Variants in DPH6 observed in about 807,000 individuals in gnomAD.
DPH6 encodes diphthamine biosynthesis 6, also known as diphthine--ammonia ligase.
A neutral mutation model predicts 38.2 loss-of-function variants in DPH6; 33 were observed. The observed-to-expected ratio is 0.86, with a 90% CI of 0.65 to 1.15. The LOEUF (loss-of-function observed/expected upper bound fraction) is 1.15. Among genes scored for constraint, DPH6 ranks in the 50% most tolerant of loss-of-function variants. The pLI, the probability that DPH6 is intolerant of heterozygous loss-of-function variation, is 0.00. For synonymous variants in DPH6, 108 were observed against 103.0 expected, an observed-to-expected ratio of 1.05 and a Z score of -0.30; for missense variants, 325 against 320.0, an observed-to-expected ratio of 1.02 and a Z score of -0.12.
At chr15:35,291,069 C>T (rs867290589) in intron 3 of DPH6, among the ~76,000 whole-genome samples, 3 of 151,808 alleles carry the variant, frequency 2.0e-5, no homozygotes, top group Non-Finnish European at 4.4e-5. Context: ...AGAAAAATCA[C>T]CCACTGCCAT....
At chr15:35,358,939 G>C (rs969976945) in intron 3 of DPH6, among the ~76,000 whole-genome samples, 2 of 152,094 alleles carry the variant, frequency 1.3e-5, no homozygotes, top group African/African-American at 2.4e-5. Flanking sequence ...TAGGGCCCTA[G>C]AACTCCCAAG....
At chr15:35,402,851 A>G (rs1480148010) in intron 6 of DPH6, among the ~76,000 whole-genome samples, 1 of 152,066 alleles carries the variant, frequency 6.6e-6, no homozygotes, top group African/African-American at 2.4e-5. Flanking sequence ...GTTATTTTTA[A>G]TGATTTAGAA....
chr15:35,168,479 T>A, the DPH6 span, among the ~76,000 whole-genome samples: 1 of 152,040 alleles, frequency 6.6e-6, no homozygotes, highest in African/African-American at 2.4e-5. Context: ...CTATTGCCTT[T>A]TCACCAGAAA....
At chr15:35,450,479 C>T (rs2141079134) in intron 5 of DPH6, among the ~76,000 whole-genome samples, 2 of 147,534 alleles carry the variant, frequency 1.4e-5, no homozygotes, top group South Asian at 4.3e-4. Flanking sequence ...AAAAGCCTTA[C>T]TAGTAATCAC....
intron 7 of DPH6, 87 bp from the exon 8 acceptor site, chr15:35,373,695 T>A: frequency 9.9e-7 from 1 of 1,013,708 alleles, no homozygotes. Context: ...AGACTAAACA[T>A]TCTTGTTTTA....
At chr15:35,285,258 T>C (rs2051932978) in intron 3 of DPH6, among the ~76,000 whole-genome samples, 1 of 152,186 alleles carries the variant, frequency 6.6e-6, no homozygotes, top group Admixed American at 6.5e-5. Flanking sequence ...ACAGTAGTCA[T>C]TTGATATGGT....
At chr15:35,373,222 C>T (rs1297965078) in intron 8 of DPH6, among the ~76,000 whole-genome samples, 2 of 151,798 alleles carry the variant, frequency 1.3e-5, no homozygotes, top group East Asian at 3.9e-4. Flanking sequence ...TGTGATCCTG[C>T]TAGATGATTT....
At chr15:35,222,957 G>A (rs1223984057) in intron 3 of DPH6, among the ~76,000 whole-genome samples, 1 of 152,176 alleles carries the variant, frequency 6.6e-6, no homozygotes, top group Non-Finnish European at 1.5e-5. Flanking sequence ...GCCTGAGGCA[G>A]TTCCCAGCTT....
At chr15:35,339,228 T>A (rs2052401467) in intron 3 of DPH6, among the ~76,000 whole-genome samples, 1 of 151,410 alleles carries the variant, frequency 6.6e-6, no homozygotes, top group Non-Finnish European at 1.5e-5. Flanking sequence ...CTCTTAACAC[T>A]GTTTTAGCTG....
At chr15:35,440,369 C>T (rs1049878103) in intron 5 of DPH6, among the ~76,000 whole-genome samples, 4 of 152,178 alleles carry the variant, frequency 2.6e-5, no homozygotes, top group Non-Finnish European at 5.9e-5. Context: ...TCCTTACCCA[C>T]CCCTTTTTGT....
chr15:35,273,522 T>C (rs1357686058), intron 3 of DPH6, among the ~76,000 whole-genome samples: 1 of 152,198 alleles, frequency 6.6e-6, no homozygotes, highest in Non-Finnish European at 1.5e-5. Flanking sequence ...CCAAACTCAG[T>C]GCAGTTGATA....
chr15:35,395,771 C>A (rs1470961893), intron 6 of DPH6, among the ~76,000 whole-genome samples: 1 of 152,162 alleles, frequency 6.6e-6, no homozygotes, highest in Non-Finnish European at 1.5e-5. Context: ...ATTTACCCCC[C>A]TCACGTTCTA....
chr15:35,367,138 A>T (rs1466277102), downstream of DPH6, among the ~76,000 whole-genome samples: 1 of 151,804 alleles, frequency 6.6e-6, no homozygotes, highest in Non-Finnish European at 1.5e-5. Flanking sequence ...AAAATATATA[A>T]TTGTCCCAGG....
chr15:35,263,050 C>A (rs1047101157), intron 3 of DPH6, among the ~76,000 whole-genome samples: 1 of 152,016 alleles, frequency 6.6e-6, no homozygotes, highest in Non-Finnish European at 1.5e-5. Flanking sequence ...CTATTTGACA[C>A]CATGAAGAAA....
At chr15:35,372,405 T>C (rs2052725221) in intron 8 of DPH6, 1 of 385,086 alleles carries the variant, frequency 2.6e-6, no homozygotes, top group African/African-American at 2.1e-5. Context: ...AGTGAGCTAT[T>C]CGGGTAGAGC....
intron 5 of DPH6, among the ~76,000 whole-genome samples, chr15:35,421,591 A>T (rs2053505856): frequency 6.6e-6 from 1 of 152,208 alleles, no homozygotes; most frequent in Admixed American, 6.5e-5. Context: ...GATTTGAAAT[A>T]TTTATTCCTG....
intron 3 of DPH6, among the ~76,000 whole-genome samples, chr15:35,517,978 GTTTGT>G (rs1424017364): frequency 3.3e-5 from 5 of 151,990 alleles, no homozygotes; most frequent in Non-Finnish European, 7.4e-5. Context: ...CCAGAAGTAT[GTTTGT>G]TTTAATTGGT....
rs772132282 is a variant in DPH6 at position 35,296,804 on chromosome 15, C to CTTTTTTTTTTTT, written n.201-76223_201-76222insAAAAAAAAAAAA. ...ATTCTCTAACCTGATGGCCTGGCTTCTTTTTTTTTTTGAGACGGAGTCTCG... is the reference window on the plus strand; with the variant it reads ...ATTCTCTAACCTGATGGCCTGGCTTCTTTTTTTTTTTTTTTTTTTTTTTGAGACGGAGTCTCG... On this transcript the variant is annotated intron_variant and non_coding_transcript_variant, in intron 3 of 3. Transcript: ENST00000560386. 2.4e-5 allele frequency among the ~76,000 whole-genome samples: 3 copies of CTTTTTTTTTTTT among 127,332 alleles called. 1 individual carries two copies. Among genetic ancestry groups the CTTTTTTTTTTTT allele is most frequent in the Non-Finnish European group, 4.7e-5 (3 of 64,270 alleles). The allele number at this position is 127,332 out of a possible 152,430, so 83.5% of individuals were successfully genotyped here.
At position 35,533,920 on chromosome 15, in the gene DPH6, TAAC is replaced by T. The variant is rs1204245090; in HGVS notation, c.312+4351_312+4353del. Among the ~76,000 whole-genome samples the T allele has an allele frequency of 3.9e-5, 6 of 152,146 alleles. No individual in the cohort carries two copies. The East Asian group carries it at 5.8e-4, about 15-fold the overall frequency. The stretch of plus-strand genomic sequence containing the variant: ...GCCACACTATCCTGAACTCCAGGAA[TAAC>T]AAGTGTGAGATGTGAGGTTGGGAAA... On this transcript the variant is annotated intron_variant, in intron 3 of 8. Transcript: ENST00000256538.
Sources: gnomAD v4.1 joint callset for allele counts (sites outside exome capture counted in the v4.1 genomes callset) on GRCh38, gnomAD v4.1.1 for gene constraint, MANE v1.5 for transcripts, NCBI Gene and HGNC (gene_info 2026-07-23, HGNC 2026-07-21) for gene names.